FRMPD4: variants seen among roughly 807,000 people sequenced by gnomAD.
FRMPD4 encodes FERM and PDZ domain-containing protein 4.
FRMPD4 carries 22 observed loss-of-function variants against 94.1 expected under a neutral mutation model. The observed-to-expected ratio is 0.23, with a 90% CI of 0.17 to 0.33. The LOEUF (loss-of-function observed/expected upper bound fraction) is 0.33. FRMPD4 is among the 10% of genes least tolerant of loss of function. The pLI, the probability that FRMPD4 is intolerant of heterozygous loss-of-function variation, is 1.00. For missense variants in FRMPD4, 1,111 were observed against 1,339.9 expected (o/e 0.83, Z 2.67); for synonymous variants, 631 against 548.6 (o/e 1.15, Z -2.10).
intron 2 of FRMPD4, among the ~76,000 whole-genome samples, chrX:12,604,247 G>T (rs1209612635): frequency 2.7e-5 from 3 of 111,466 alleles, no homozygotes; most frequent in Non-Finnish European, 5.7e-5. Context: ...AACATCATCA[G>T]TGCTTCTTAT....
chrX:12,332,190 T>A (rs1056606895), intron 1 of FRMPD4, among the ~76,000 whole-genome samples: 3 of 63,499 alleles, frequency 4.7e-5, no homozygotes, highest in Non-Finnish European at 7.8e-5. Flanking sequence ...AATTTATATT[T>A]TATATATATA....
At position 12,251,896 on chromosome X, in the gene FRMPD4, G is replaced by A. The variant is rs567447477; in HGVS notation, c.41+112884G>A. On this transcript the variant is annotated intron_variant, in intron 1 of 16. Coordinates refer to ENST00000675598, the MANE Select transcript of FRMPD4 (RefSeq NM_001368397.1). ...TAGCTGTGGAACATTAGGCAAAGTG[G>A]CCGACCACTCTGAGCTTCATTTTCC... Among the ~76,000 whole-genome samples, 12 of 111,886 alleles carry A rather than the reference G, an allele frequency of 1.1e-4. 1 individual carries two copies. The South Asian group carries it at 4.5e-3, about 42-fold the overall frequency.
intron 1 of FRMPD4, among the ~76,000 whole-genome samples, chrX:12,353,921 C>G (rs62588612): frequency 0.24 from 26,600 of 111,070 alleles, 2,499 homozygotes; most frequent in African/African-American, 0.3. Flanking sequence ...ATTCATGACA[C>G]TCCTAGGAGA....
At chrX:12,040,737 G>A (rs1369304696) in intron 3 of FRMPD4, among the ~76,000 whole-genome samples, 3 of 107,435 alleles carry the variant, frequency 2.8e-5, no homozygotes, top group African/African-American at 6.8e-5. Flanking sequence ...CACAGTGTTC[G>A]CCAGGATGGT....
At chrX:11,916,918 A>C (rs1429319697) in intron 3 of FRMPD4, among the ~76,000 whole-genome samples, 2 of 111,371 alleles carry the variant, frequency 1.8e-5, no homozygotes, top group African/African-American at 6.5e-5. Context: ...CTCACACATA[A>C]GGCACGGGCA....
chrX:12,600,224 T>A (rs1361772380), intron 2 of FRMPD4, among the ~76,000 whole-genome samples: 2 of 110,578 alleles, frequency 1.8e-5, no homozygotes, highest in Admixed American at 2.0e-4. Context: ...AATACCATTT[T>A]TCAATCCCAT....
At chrX:12,093,273 C>T (rs1226934189) in intron 3 of FRMPD4, among the ~76,000 whole-genome samples, 2 of 111,135 alleles carry the variant, frequency 1.8e-5, no homozygotes, top group Non-Finnish European at 3.8e-5. Context: ...AAAATGGAAT[C>T]CTCTGGATGC....
At chrX:12,088,616 G>A (rs140220638) in intron 3 of FRMPD4, among the ~76,000 whole-genome samples, 1 of 111,946 alleles carries the variant, frequency 8.9e-6, no homozygotes, top group East Asian at 2.8e-4. Flanking sequence ...GTGAACTGGT[G>A]CTGGAGAATT....
chrX:12,221,756 C>T (rs2056870898), intron 1 of FRMPD4, among the ~76,000 whole-genome samples: 1 of 111,718 alleles, frequency 9.0e-6, no homozygotes, highest in African/African-American at 3.3e-5. Context: ...AGGGGGTTAA[C>T]TTAGATGTAG....
intron 1 of FRMPD4, among the ~76,000 whole-genome samples, chrX:11,859,409 A>C (rs2053672915): frequency 8.9e-6 from 1 of 112,089 alleles, no homozygotes; most frequent in Non-Finnish European, 1.9e-5. Flanking sequence ...TGTTCTTTCA[A>C]ACTTAGAATT....
chrX:11,930,310 A>T, intron 3 of FRMPD4, among the ~76,000 whole-genome samples: 1 of 110,399 alleles, frequency 9.1e-6, no homozygotes, highest in Non-Finnish European at 1.9e-5. Context: ...CCCACCAGGA[A>T]CCTGTAGATA....
intron 1 of FRMPD4, among the ~76,000 whole-genome samples, chrX:12,167,777 G>A (rs1455148668): frequency 8.9e-6 from 1 of 112,015 alleles, no homozygotes; most frequent in East Asian, 2.8e-4. Context: ...TGTGCCATGT[G>A]TACGACATAA....
At chrX:12,109,539 G>C (rs1287017468) in intron 3 of FRMPD4, among the ~76,000 whole-genome samples, 2 of 111,469 alleles carry the variant, frequency 1.8e-5, no homozygotes, top group African/African-American at 6.5e-5. Flanking sequence ...CAAACACATT[G>C]AAAAGCTAGC....
At chrX:12,639,674 A>T (rs928504493) in intron 4 of FRMPD4, among the ~76,000 whole-genome samples, 2 of 112,410 alleles carry the variant, frequency 1.8e-5, no homozygotes, top group African/African-American at 6.5e-5. Context: ...TGCCAGTATA[A>T]TTTTCACACT....
At chrX:12,609,436 A>T (rs958462757) in intron 2 of FRMPD4, among the ~76,000 whole-genome samples, 5 of 111,787 alleles carry the variant, frequency 4.5e-5, no homozygotes, top group Non-Finnish European at 9.4e-5. Context: ...TGGCCAGGAC[A>T]GTCCTCTTCA....
chrX:12,415,737 T>G (rs2056792036), intron 1 of FRMPD4, among the ~76,000 whole-genome samples: 1 of 112,470 alleles, frequency 8.9e-6, no homozygotes, highest in Non-Finnish European at 1.9e-5. Flanking sequence ...CCTGGTTTAT[T>G]GCTCATGTAG....
At chrX:11,934,942 C>T (rs946484130) in intron 3 of FRMPD4, among the ~76,000 whole-genome samples, 1 of 111,545 alleles carries the variant, frequency 9.0e-6, no homozygotes, top group Non-Finnish European at 1.9e-5. Flanking sequence ...AGCAAAATTA[C>T]GGGCAAGACA....
chrX:12,580,636 G>T (rs2058855139), intron 2 of FRMPD4, among the ~76,000 whole-genome samples: 1 of 111,674 alleles, frequency 9.0e-6, no homozygotes, highest in Admixed American at 9.5e-5. Context: ...TGCCTACGTG[G>T]TGAGATGAAT....
At chrX:12,128,545 T>G (rs927002043) in intron 3 of FRMPD4, among the ~76,000 whole-genome samples, 1 of 112,358 alleles carries the variant, frequency 8.9e-6, no homozygotes, top group Non-Finnish European at 1.9e-5. Flanking sequence ...TGACATGCCC[T>G]GGAGACAATT....
Sources: allele counts gnomAD v4.1 joint callset (sites outside exome capture counted in the v4.1 genomes callset), GRCh38; gene constraint gnomAD v4.1.1; transcripts MANE v1.5; gene names NCBI Gene and HGNC (gene_info 2026-07-23, HGNC 2026-07-21).